Variants in PRIM2 observed in about 807,000 individuals in gnomAD.
PRIM2 encodes DNA primase subunit 2.
PRIM2 carries 39 observed loss-of-function variants against 67.3 expected under a neutral mutation model. The observed-to-expected ratio is 0.58, with a 90% CI of 0.45 to 0.76. PRIM2 has a LOEUF of 0.76. Among genes scored for constraint, PRIM2 ranks in the 30% least tolerant of loss-of-function variants. The pLI is 0.00. For synonymous variants in PRIM2, 143 were observed against 198.7 expected (o/e 0.72, Z 2.36); for missense variants, 398 against 598.7 (o/e 0.66, Z 3.50).
intron 7 of PRIM2, among the ~76,000 whole-genome samples, chr6:57,403,249 ATTTTTTTTTTTTT>A (rs71299587): frequency 5.4e-5 from 6 of 110,200 alleles, no homozygotes; most frequent in South Asian, 2.8e-4. Context: ...CAGGTGAAGA[ATTTTTTTTTTTTT>A]TTTTTTTTTT....
chr6:57,530,972 G>A (rs1271162792), intron 8 of PRIM2, among the ~76,000 whole-genome samples: 2 of 152,116 alleles, frequency 1.3e-5, no homozygotes, highest in Non-Finnish European at 2.9e-5. Flanking sequence ...CAAAGTGCTG[G>A]GATGACAGGT....
At chr6:57,293,595 A>G in the PRIM2 span, among the ~76,000 whole-genome samples, 3 of 152,252 alleles carry the variant, frequency 2.0e-5, no homozygotes, top group Non-Finnish European at 4.4e-5. Flanking sequence ...CCACATGTCC[A>G]TCAATGATAG....
Position 57,427,493 on chromosome 6 carries a change from A to G in PRIM2, c.693+45325A>G, listed in dbSNP as rs150021714. ...GCCACCAAGCCCAGCAAATTTTTGT[A>G]TTTTAGTGAGGACGGAGTTTCACCA... On this transcript the variant is annotated intron_variant, in intron 7 of 13. Transcript: ENST00000615550. Among the ~76,000 whole-genome samples, 22 of 152,012 alleles carry G rather than the reference A, an allele frequency of 1.4e-4. No homozygotes were observed. The East Asian group carries it at 4.1e-3, about 28-fold the overall frequency.
chr6:57,276,412 A>G, the PRIM2 span, among the ~76,000 whole-genome samples: 1 of 151,284 alleles, frequency 6.6e-6, no homozygotes, highest in South Asian at 2.1e-4. Flanking sequence ...TAAACCAAAA[A>G]CAAAAGTTAA....
In PRIM2 at chr6:57,457,491, G is replaced by A. The variant is rs72875415; in HGVS notation, c.694-49896G>A. Among the ~76,000 whole-genome samples the A allele has an allele frequency of 8.5e-5, 13 of 152,278 alleles. No individual in the cohort carries two copies. In the East Asian group the frequency reaches 2.3e-3, roughly 27 times the overall value. Reference sequence around the variant, plus strand: ...CCTACTCAAGCCTTGGCAATGGCGGGCACCCCTTCCCTAGGCTCGCTGCTC... The same window carrying A: ...CCTACTCAAGCCTTGGCAATGGCGGACACCCCTTCCCTAGGCTCGCTGCTC... On this transcript the variant is annotated intron_variant, in intron 7 of 13. Coordinates refer to ENST00000615550, the MANE Select transcript of PRIM2 (RefSeq NM_000947.5).
the PRIM2 span, among the ~76,000 whole-genome samples, chr6:57,240,970 A>G: frequency 6.6e-6 from 1 of 151,990 alleles, no homozygotes; most frequent in Non-Finnish European, 1.5e-5. Context: ...CAAGCCTGTA[A>G]TCCCAGCACT....
At chr6:57,376,956 A>G (rs1205762469) in intron 5 of PRIM2, among the ~76,000 whole-genome samples, 2 of 152,158 alleles carry the variant, frequency 1.3e-5, no homozygotes, top group Admixed American at 6.6e-5. Flanking sequence ...GGCTCACCGC[A>G]ACCTCCACCT....
chr6:57,466,511 A>C (rs1437476472), intron 7 of PRIM2, among the ~76,000 whole-genome samples: 1 of 152,200 alleles, frequency 6.6e-6, no homozygotes, highest in Non-Finnish European at 1.5e-5. Flanking sequence ...AAGGATTGTC[A>C]TTCTAACTGG....
chr6:57,426,682 C>T (rs2127375988), intron 7 of PRIM2, among the ~76,000 whole-genome samples: 1 of 152,284 alleles, frequency 6.6e-6, no homozygotes, highest in South Asian at 2.1e-4. Context: ...GTACATAAGA[C>T]TTGTTCATGA....
At chr6:57,351,492 A>G (rs1768855204) in intron 5 of PRIM2, among the ~76,000 whole-genome samples, 3 of 152,200 alleles carry the variant, frequency 2.0e-5, no homozygotes, top group Admixed American at 2.0e-4. Flanking sequence ...CTATATTAGT[A>G]GCTGTGAGAA....
intron 7 of PRIM2, among the ~76,000 whole-genome samples, chr6:57,462,321 G>A (rs1365047496): frequency 6.6e-6 from 1 of 151,994 alleles, no homozygotes; most frequent in Non-Finnish European, 1.5e-5. Flanking sequence ...AGAATAATTT[G>A]TTAGCATTTT....
intron 3 of PRIM2, among the ~76,000 whole-genome samples, chr6:57,323,393 A>C (rs1405615793): frequency 3.9e-5 from 6 of 152,136 alleles, no homozygotes; most frequent in Non-Finnish European, 7.3e-5. Context: ...TGAGGTGGTG[A>C]GCACCTTGGA....
chr6:57,412,349 T>C (rs1449786249), intron 7 of PRIM2, among the ~76,000 whole-genome samples: 1 of 152,160 alleles, frequency 6.6e-6, no homozygotes, highest in African/African-American at 2.4e-5. Flanking sequence ...TTATTGATAT[T>C]AGACTTTTAC....
At chr6:57,240,092 T>G in the PRIM2 span, among the ~76,000 whole-genome samples, 2 of 4,314 alleles carry the variant, frequency 4.6e-4, no homozygotes, top group African/African-American at 2.3e-3. Context: ...CAATAATCTG[T>G]TTTTTTTTTT....
intron 13 of PRIM2, among the ~76,000 whole-genome samples, chr6:57,640,084 T>G (rs1215741725): frequency 6.6e-6 from 1 of 152,134 alleles, no homozygotes; most frequent in African/African-American, 2.4e-5. Context: ...GTTCAACATA[T>G]GCAAATCAAT....
intron 5 of PRIM2, among the ~76,000 whole-genome samples, chr6:57,361,959 A>T (rs1395720017): frequency 2.0e-5 from 3 of 152,144 alleles, no homozygotes; most frequent in Admixed American, 6.5e-5. Flanking sequence ...CATTGAGCTG[A>T]CAGCTGTGAA....
At chr6:57,546,194 C>T (rs1177548836) in intron 10 of PRIM2, among the ~76,000 whole-genome samples, 1 of 152,196 alleles carries the variant, frequency 6.6e-6, no homozygotes, top group African/African-American at 2.4e-5. Flanking sequence ...AAATTAATTT[C>T]GCCTAACTTT....
chr6:57,346,920 A>T (rs1312566362), intron 5 of PRIM2, among the ~76,000 whole-genome samples: 1 of 152,190 alleles, frequency 6.6e-6, no homozygotes, highest in Non-Finnish European at 1.5e-5. Context: ...GAATATATCC[A>T]TTCTGCTACT....
At chr6:57,460,121 G>T (rs1275344959) in intron 7 of PRIM2, among the ~76,000 whole-genome samples, 1 of 151,122 alleles carries the variant, frequency 6.6e-6, no homozygotes, top group Non-Finnish European at 1.5e-5. Flanking sequence ...AGTGCAAATG[G>T]TTTTTGTTGC....
Sources: gnomAD v4.1 joint callset for allele counts (sites outside exome capture counted in the v4.1 genomes callset) on GRCh38, gnomAD v4.1.1 for gene constraint, MANE v1.5 for transcripts, NCBI Gene and HGNC (gene_info 2026-07-23, HGNC 2026-07-21) for gene names.